The following EBF2 variants were observed in gnomAD, a reference collection of about 807,000 sequenced individuals.
EBF2 encodes EBF transcription factor 2.
A neutral mutation model predicts 72.8 loss-of-function variants in EBF2; 21 were observed. That is an observed-to-expected ratio of 0.29 (90% confidence interval 0.20 to 0.42). EBF2 has a LOEUF of 0.42. EBF2 is among the 10% of genes least tolerant of loss of function. EBF2 has a pLI of 1.00. For missense variants in EBF2, 637 were observed against 731.2 expected, an observed-to-expected ratio of 0.87 and a Z score of 1.49; for synonymous variants, 299 against 274.2, an observed-to-expected ratio of 1.09 and a Z score of -0.89.
intron 6 of EBF2, among the ~76,000 whole-genome samples, chr8:25,944,601 A>C (rs1803733617): frequency 6.7e-6 from 1 of 148,472 alleles, no homozygotes; most frequent in Admixed American, 6.8e-5. Flanking sequence ...TACAGTCTAT[A>C]AATTATATTG....
At chr8:25,859,222 A>G (rs563386022) in intron 13 of EBF2, among the ~76,000 whole-genome samples, 1 of 152,202 alleles carries the variant, frequency 6.6e-6, no homozygotes, top group Non-Finnish European at 1.5e-5. Context: ...TGATTCATAT[A>G]CAGAAGGCCT....
At chr8:26,019,349 C>T (rs1315008117) in intron 6 of EBF2, among the ~76,000 whole-genome samples, 1 of 152,066 alleles carries the variant, frequency 6.6e-6, no homozygotes, top group African/African-American at 2.4e-5. Flanking sequence ...TCTCTGAAGC[C>T]TCAATGTTAG....
intron 6 of EBF2, among the ~76,000 whole-genome samples, chr8:25,918,167 C>G (rs1803255822): frequency 1.3e-5 from 2 of 152,194 alleles, no homozygotes; most frequent in Non-Finnish European, 1.5e-5. Context: ...TGGGCTTCTC[C>G]TGGCATCATT....
chr8:26,023,786 G>C (rs116061270), intron 6 of EBF2, among the ~76,000 whole-genome samples: 63 of 152,148 alleles, frequency 4.1e-4, no homozygotes, highest in Non-Finnish European at 7.2e-4. Context: ...GAGTGTGCTG[G>C]GGGAGGGGAA....
rs1335020086 is a variant in EBF2, at chr8:25,850,265, AAC to A, written c.1696+327_1696+328del. 5.9e-5 allele frequency among the ~76,000 whole-genome samples: 9 copies of A among 152,208 alleles called. No homozygotes were observed. The East Asian group carries it at 1.7e-3, about 29-fold the overall frequency. ...GTAGCTAGGATTACAGGCACCCACA[AAC>A]ACACCCAGCTAATTTTTGTATTTTA... On this transcript the variant is annotated intron_variant, in intron 15 of 15. Transcript: ENST00000520164.
intron 6 of EBF2, among the ~76,000 whole-genome samples, chr8:25,997,157 C>T (rs538442768): frequency 3.3e-5 from 5 of 152,246 alleles, no homozygotes; most frequent in East Asian, 1.9e-4. Flanking sequence ...CACTCCCTAC[C>T]GCCCACTCTG....
At chr8:26,043,495 C>A (rs1431267156) in intron 1 of EBF2, among the ~76,000 whole-genome samples, 1 of 152,212 alleles carries the variant, frequency 6.6e-6, no homozygotes, top group African/African-American at 2.4e-5. Context: ...TCCCTTAGCT[C>A]GCAGGCGGGC....
chr8:25,862,840 TAA>T, intron 10 of EBF2, 43 bp from the exon 11 acceptor site: 2 of 1,458,418 alleles, frequency 1.4e-6, no homozygotes, highest in South Asian at 2.6e-5. Flanking sequence ...ATCCTGGCTA[TAA>T]AGCAAACCTT....
chr8:25,948,071 GCATT>G (rs376459361), intron 6 of EBF2, among the ~76,000 whole-genome samples: 5 of 152,096 alleles, frequency 3.3e-5, no homozygotes, highest in African/African-American at 1.2e-4. Context: ...AGGTGGCCAA[GCATT>G]CATTCATTCA....
At chr8:25,923,861 T>G (rs906335136) in intron 6 of EBF2, among the ~76,000 whole-genome samples, 1 of 152,258 alleles carries the variant, frequency 6.6e-6, no homozygotes, top group African/African-American at 2.4e-5. Context: ...TTGATCATTT[T>G]TTTAATGATA....
intron 5 of EBF2, among the ~76,000 whole-genome samples, chr8:26,034,055 A>C (rs192684492): frequency 6.6e-6 from 1 of 152,334 alleles, no homozygotes; most frequent in African/African-American, 2.4e-5. Flanking sequence ...GGCTCAGTAA[A>C]TAATTAAAGA....
chr8:25,892,747 C>T (rs1378244051), intron 7 of EBF2, among the ~76,000 whole-genome samples: 1 of 152,172 alleles, frequency 6.6e-6, no homozygotes, highest in African/African-American at 2.4e-5. Flanking sequence ...AGTCATCCAA[C>T]CCAACAGATA....
At chr8:25,874,789 G>A (rs1013691790) in intron 10 of EBF2, among the ~76,000 whole-genome samples, 11 of 150,312 alleles carry the variant, frequency 7.3e-5, no homozygotes, top group African/African-American at 9.8e-5. Flanking sequence ...GGGCTCAAGC[G>A]TTTCTCCCAC....
chr8:26,033,237 C>T (rs1346194137), intron 5 of EBF2, 84 bp from the exon 6 acceptor site: 34 of 1,378,250 alleles, frequency 2.5e-5, no homozygotes, highest in Non-Finnish European at 1.9e-5. Flanking sequence ...ACATTTTTTC[C>T]CCCCAGACAG....
At chr8:26,022,591 T>A (rs940063096) in intron 6 of EBF2, among the ~76,000 whole-genome samples, 2 of 152,162 alleles carry the variant, frequency 1.3e-5, no homozygotes, top group African/African-American at 2.4e-5. Flanking sequence ...CTCTGCAAAT[T>A]CCTCCATTTC....
At chr8:26,040,342 C>G (rs1297887392) in intron 4 of EBF2, among the ~76,000 whole-genome samples, 1 of 152,056 alleles carries the variant, frequency 6.6e-6, no homozygotes, top group Non-Finnish European at 1.5e-5. Flanking sequence ...GGAACTGAAT[C>G]TCCCAATAAT....
At chr8:26,012,748 C>T (rs140858902) in intron 6 of EBF2, among the ~76,000 whole-genome samples, 11 of 152,158 alleles carry the variant, frequency 7.2e-5, no homozygotes, top group South Asian at 2.1e-4. Context: ...GGCACACAGA[C>T]GAAGAAAATG....
chr8:26,029,374 G>A (rs1297790867), intron 6 of EBF2, among the ~76,000 whole-genome samples: 1 of 152,150 alleles, frequency 6.6e-6, no homozygotes, highest in Non-Finnish European at 1.5e-5. Context: ...TTTCTGAGAG[G>A]AGATGTTTTA....
At chr8:25,848,464 G>T (rs1021396842) in intron 15 of EBF2, among the ~76,000 whole-genome samples, 2 of 152,170 alleles carry the variant, frequency 1.3e-5, no homozygotes, top group Admixed American at 6.5e-5. Flanking sequence ...TTTCCTTCCA[G>T]CTCTTTGGGC....
Sources: allele counts gnomAD v4.1 joint callset (sites outside exome capture counted in the v4.1 genomes callset), GRCh38; gene constraint gnomAD v4.1.1; transcripts MANE v1.5; gene names NCBI Gene and HGNC (gene_info 2026-07-23, HGNC 2026-07-21).